Variants in TMEM132C observed in about 807,000 individuals in gnomAD.
TMEM132C encodes protein phosphatase 1, regulatory subunit 152.
A neutral mutation model predicts 61.4 loss-of-function variants in TMEM132C; 29 were observed. That is an observed-to-expected ratio of 0.47 (90% CI 0.35 to 0.64). TMEM132C has a LOEUF of 0.64. Among genes scored for constraint, TMEM132C ranks in the 30% least tolerant of loss-of-function variants. TMEM132C has a pLI of 0.00. For synonymous variants in TMEM132C, 656 were observed against 633.1 expected, an observed-to-expected ratio of 1.04 and a Z score of -0.54; for missense variants, 1,408 against 1,476.9, an observed-to-expected ratio of 0.95 and a Z score of 0.76.
chr12:128,616,339 A>T lies in TMEM132C; in HGVS notation c.1305+4A>T. Reference sequence around the variant, plus strand: ...GGGCATCGTTCCCTTGGCTATGGTGAGTCCTGAGTTACCTTGGATGCTCCT... The same window carrying T: ...GGGCATCGTTCCCTTGGCTATGGTGTGTCCTGAGTTACCTTGGATGCTCCT... On this transcript the variant is annotated splice_donor_region_variant and intron_variant, in intron 4 of 8. Transcript: ENST00000435159. The T allele has an allele frequency of 3.2e-6, 5 of 1,548,994 alleles. No homozygotes were observed. The highest frequency in any genetic ancestry group is 1.4e-5 in the African/African-American group (1 of 73,060).
intron 2 of TMEM132C, among the ~76,000 whole-genome samples, chr12:128,524,359 G>A (rs1873013894): frequency 6.6e-6 from 1 of 152,194 alleles, no homozygotes. Flanking sequence ...GCTGCCGTTT[G>A]ATGTGAATAA....
At chr12:128,366,152 G>A (rs901329421) in intron 1 of TMEM132C, among the ~76,000 whole-genome samples, 2 of 152,322 alleles carry the variant, frequency 1.3e-5, no homozygotes, top group Non-Finnish European at 2.9e-5. Flanking sequence ...GCCCAGGGCC[G>A]GGAAGGGAGA....
At chr12:128,567,966 A>T (rs1286882795) in intron 3 of TMEM132C, among the ~76,000 whole-genome samples, 1 of 152,176 alleles carries the variant, frequency 6.6e-6, no homozygotes, top group Non-Finnish European at 1.5e-5. Context: ...GATAGAGATG[A>T]AAGGACCCCC....
intron 1 of TMEM132C, among the ~76,000 whole-genome samples, chr12:128,330,030 G>C (rs1483127835): frequency 6.6e-6 from 1 of 152,114 alleles, no homozygotes; most frequent in Non-Finnish European, 1.5e-5. Context: ...GTAGGCGAGG[G>C]CCTTTTTCAT....
intron 4 of TMEM132C, among the ~76,000 whole-genome samples, chr12:128,633,913 G>A (rs1477557702): frequency 6.6e-6 from 1 of 152,208 alleles, no homozygotes; most frequent in Admixed American, 6.5e-5. Flanking sequence ...AAGGGCAGAT[G>A]TCAAGCTAAC....
chr12:128,595,826 G>C (rs1386411476), intron 3 of TMEM132C, among the ~76,000 whole-genome samples: 3 of 152,238 alleles, frequency 2.0e-5, no homozygotes, highest in Non-Finnish European at 4.4e-5. Flanking sequence ...GAATGGGAAA[G>C]AGGAATCAGC....
At chr12:128,559,672 G>A (rs778740334) in intron 3 of TMEM132C, among the ~76,000 whole-genome samples, 3 of 152,154 alleles carry the variant, frequency 2.0e-5, no homozygotes, top group Non-Finnish European at 2.9e-5. Flanking sequence ...ACCACTCACC[G>A]TGGAAATCGT....
chr12:128,507,768 A>G (rs1234144169), intron 2 of TMEM132C, among the ~76,000 whole-genome samples: 3 of 152,148 alleles, frequency 2.0e-5, no homozygotes, highest in African/African-American at 7.2e-5. Flanking sequence ...TTTGAAGGAG[A>G]AAGGGACTCA....
In TMEM132C at chr12:128,616,362, C is replaced by T. The variant is rs377394480; in HGVS notation, c.1305+27C>T. ...TGAGTCCTGAGTTACCTTGGATGCTCCTGCATTCAGCCACCTGACTGCATC... is the reference window on the plus strand; with the variant it reads ...TGAGTCCTGAGTTACCTTGGATGCTTCTGCATTCAGCCACCTGACTGCATC... On this transcript the variant is annotated intron_variant, in intron 4 of 8. Coordinates refer to ENST00000435159, the MANE Select transcript of TMEM132C (RefSeq NM_001136103.3). 9.8e-5 allele frequency: 150 copies of T among 1,533,372 alleles called. 3 individuals are homozygous for T. The highest frequency in any genetic ancestry group is 5.4e-4 in the South Asian group (44 of 81,798). The allele number at this position is 1,533,372 out of a possible 1,614,324, so 95.0% of individuals were successfully genotyped here.
chr12:128,618,633 G>A (rs1381574161), intron 4 of TMEM132C, among the ~76,000 whole-genome samples: 1 of 152,162 alleles, frequency 6.6e-6, no homozygotes, highest in East Asian at 1.9e-4. Flanking sequence ...CTGTTCTCAT[G>A]AATGTGAATA....
chr12:128,534,281 G>A (rs189679166), intron 2 of TMEM132C, among the ~76,000 whole-genome samples: 87 of 152,306 alleles, frequency 5.7e-4, no homozygotes, highest in Middle Eastern at 6.8e-3. Flanking sequence ...TGTAGATGGC[G>A]TGAGCCCCGT....
chr12:128,285,637 T>TTCTC (rs140507851), intron 1 of TMEM132C, among the ~76,000 whole-genome samples: 6,168 of 132,022 alleles, frequency 0.047, 657 homozygotes, highest in African/African-American at 0.17. Flanking sequence ...GACATATTCA[T>TTCTC]TCTCTCTCTC....
intron 2 of TMEM132C, among the ~76,000 whole-genome samples, chr12:128,425,238 C>G (rs940657821): frequency 2.0e-5 from 3 of 152,234 alleles, no homozygotes; most frequent in Non-Finnish European, 4.4e-5. Context: ...ATGCAAACTC[C>G]CCACCTGCAC....
chr12:128,514,532 G>T (rs574004096), intron 2 of TMEM132C, among the ~76,000 whole-genome samples: 4 of 151,952 alleles, frequency 2.6e-5, no homozygotes, highest in East Asian at 3.9e-4. Flanking sequence ...CAGGCGGGGT[G>T]CGGGGGCGAC....
intron 3 of TMEM132C, among the ~76,000 whole-genome samples, chr12:128,589,597 T>C (rs534475416): frequency 5.9e-5 from 9 of 151,624 alleles, no homozygotes; most frequent in Non-Finnish European, 1.0e-4. Flanking sequence ...TTCTTTATTA[T>C]CTATTTTAGC....
intron 2 of TMEM132C, among the ~76,000 whole-genome samples, chr12:128,456,370 T>C (rs1870344255): frequency 1.6e-4 from 2 of 12,888 alleles, no homozygotes; most frequent in South Asian, 3.7e-3. Context: ...ATTAGCCTTT[T>C]TTTTTTTTTT....
chr12:128,619,626 C>T (rs1953939034), intron 4 of TMEM132C, among the ~76,000 whole-genome samples: 1 of 152,214 alleles, frequency 6.6e-6, no homozygotes. Flanking sequence ...CACGACCCTC[C>T]TGCCAGCACC....
intron 2 of TMEM132C, among the ~76,000 whole-genome samples, chr12:128,456,399 T>A: frequency 1.7e-5 from 1 of 59,756 alleles, no homozygotes; most frequent in Non-Finnish European, 3.0e-5. Flanking sequence ...TTTTTTTTTT[T>A]TTTTTTTTTT....
intron 1 of TMEM132C, among the ~76,000 whole-genome samples, chr12:128,279,675 C>T (rs111604739): frequency 1.8e-3 from 277 of 152,340 alleles, no homozygotes; most frequent in African/African-American, 6.4e-3. Context: ...ACCCTCATGA[C>T]GCACTTTCAG....
Sources: allele counts gnomAD v4.1 joint callset (sites outside exome capture counted in the v4.1 genomes callset), GRCh38; gene constraint gnomAD v4.1.1; transcripts MANE v1.5; gene names NCBI Gene and HGNC (gene_info 2026-07-23, HGNC 2026-07-21).